USP34: variants seen among roughly 807,000 people sequenced by gnomAD.
The protein encoded by USP34 is ubiquitin specific peptidase 34.
USP34 carries 70 observed loss-of-function variants against 460.3 expected under a neutral mutation model. The observed-to-expected ratio is 0.15, with a 90% CI of 0.13 to 0.19. The LOEUF is 0.19. USP34 is among the 10% of genes least tolerant of loss of function. The pLI is 1.00. For missense variants in USP34, 3,985 were observed against 4,236.2 expected (o/e 0.94, Z 1.65); for synonymous variants, 1,647 against 1,405.3 (o/e 1.17, Z -3.85).
At chr2:61,454,985 G>A (rs1406528061) in intron 1 of USP34, among the ~76,000 whole-genome samples, 7 of 148,630 alleles carry the variant, frequency 4.7e-5, no homozygotes, top group Non-Finnish European at 7.4e-5. Context: ...AAGTTGAAGC[G>A]ATTCTCCCGC....
chr2:61,365,736 T>G (rs1017267764), intron 10 of USP34, among the ~76,000 whole-genome samples: 1 of 152,128 alleles, frequency 6.6e-6, no homozygotes, highest in African/African-American at 2.4e-5. Flanking sequence ...ATAATCTAAA[T>G]GTTATAATAT....
At chr2:61,326,522 C>G (rs190074711) in intron 20 of USP34, among the ~76,000 whole-genome samples, 47 of 152,160 alleles carry the variant, frequency 3.1e-4, no homozygotes, top group African/African-American at 1.1e-3. Flanking sequence ...GCATGACCGG[C>G]CCAGGTTTGC....
chr2:61,465,039 G>C (rs1695720876), intron 1 of USP34, among the ~76,000 whole-genome samples: 1 of 152,112 alleles, frequency 6.6e-6, no homozygotes, highest in Non-Finnish European at 1.5e-5. Flanking sequence ...ATACATCCAA[G>C]CTTTTTAAAT....
At chr2:61,235,510 G>A (rs1242834148) in intron 57 of USP34, among the ~76,000 whole-genome samples, 5 of 151,850 alleles carry the variant, frequency 3.3e-5, no homozygotes, top group Non-Finnish European at 7.4e-5. Context: ...ATTTTTAGTA[G>A]AGACAGTGTT....
chr2:61,332,019 T>C (rs961719723), intron 19 of USP34, among the ~76,000 whole-genome samples: 23 of 152,128 alleles, frequency 1.5e-4, no homozygotes, highest in African/African-American at 5.5e-4. Flanking sequence ...GTTTCTGTTA[T>C]AGCCATATTT....
Position 61,241,577 on chromosome 2 carries a change from A to C in USP34, c.6760T>G (p.Ser2254Ala), listed in dbSNP as rs1294224870. ...ENGREYKFDV[S>A]SELLEWIWHD... Reference sequence around the variant, plus strand: ...ACTTATACCTCTAGTAACTCTGACGAAACATCAAATTTGTATTCTCTGCCA... The same window carrying C: ...ACTTATACCTCTAGTAACTCTGACGCAACATCAAATTTGTATTCTCTGCCA... The change falls in exon 53 of 80, where the codon TCG becomes GCG. Residue 2254 changes from serine (S) to alanine (A), a missense_variant. Around this residue, in one of 14 missense-constraint regions of USP34, gnomAD observed 604 missense variants for 684.8 expected, o/e 0.88. Transcript: ENST00000398571. 5 of 1,608,474 alleles carry C rather than the reference A, an allele frequency of 3.1e-6. No homozygotes were observed. Among genetic ancestry groups the C allele is most frequent in the Admixed American group, 1.7e-5 (1 of 58,448 alleles).
chr2:61,429,310 G>T (rs988859527), intron 1 of USP34, among the ~76,000 whole-genome samples: 1 of 152,122 alleles, frequency 6.6e-6, no homozygotes, highest in Admixed American at 6.5e-5. Flanking sequence ...AGCCAGGCAT[G>T]GTGGTGGGCA....
At position 61,228,992 on chromosome 2, in the gene USP34, T is replaced by A; in HGVS notation, c.7203A>T (p.Ser2401=). ...CTTCTACTGAGGTATCCATATCATC[T>A]GACCTAAGAGACAATTAAATAGATC... The part of the protein sequence containing the change: ...LYLQPGMEDG[S]DDMDTSVEDI... Residue 2401 remains serine, a synonymous_variant, in exon 60 of 80, where the codon TCA becomes TCT. Coordinates refer to ENST00000398571, the MANE Select transcript of USP34 (RefSeq NM_014709.4). The A allele has an allele frequency of 1.3e-6, 2 of 1,574,536 alleles. No homozygotes were observed. Among genetic ancestry groups the A allele is most frequent in the Non-Finnish European group, 1.7e-6 (2 of 1,160,844 alleles).
chr2:61,221,230 G>A (rs1453123473), intron 66 of USP34, among the ~76,000 whole-genome samples: 1 of 152,104 alleles, frequency 6.6e-6, no homozygotes, highest in East Asian at 1.9e-4. Flanking sequence ...GAAAACACTT[G>A]GTTTGTATTT....
At chr2:61,399,320 G>C (rs1176816947) in intron 3 of USP34, among the ~76,000 whole-genome samples, 5 of 148,682 alleles carry the variant, frequency 3.4e-5, no homozygotes, top group Non-Finnish European at 4.4e-5. Flanking sequence ...TCCAGCCTGG[G>C]CAACAGGATC....
intron 5 of USP34, 71 bp downstream of exon 5, chr2:61,394,782 G>A (rs1022110072): frequency 1.5e-5 from 18 of 1,232,470 alleles, no homozygotes; most frequent in Non-Finnish European, 1.9e-5. Flanking sequence ...CCTTTTCAGA[G>A]CATAAAATTC....
chr2:61,300,788 G>A (rs1314798660), intron 29 of USP34, among the ~76,000 whole-genome samples, 163 bp downstream of exon 29: 2 of 145,800 alleles, frequency 1.4e-5, no homozygotes, highest in African/African-American at 2.6e-5. Flanking sequence ...AGAGTGAGAT[G>A]CCGTCTCAAA....
At chr2:61,329,607 A>G (rs1046846393) in intron 20 of USP34, among the ~76,000 whole-genome samples, 5 of 152,236 alleles carry the variant, frequency 3.3e-5, no homozygotes, top group African/African-American at 1.2e-4. Flanking sequence ...GTTCATAGAC[A>G]GTCCAGAATA....
At chr2:61,402,268 A>C (rs977746049) in intron 3 of USP34, among the ~76,000 whole-genome samples, 5 of 152,106 alleles carry the variant, frequency 3.3e-5, no homozygotes, top group Non-Finnish European at 7.4e-5. Context: ...AGACAGAGCA[A>C]GACCCTGTCT....
intron 5 of USP34, among the ~76,000 whole-genome samples, chr2:61,387,155 A>C (rs1693172196): frequency 6.6e-6 from 1 of 152,094 alleles, no homozygotes; most frequent in African/African-American, 2.4e-5. Context: ...GCTGATTCTC[A>C]TTAGTCGTTA....
chr2:61,445,518 GAT>G (rs1695087800), intron 1 of USP34, among the ~76,000 whole-genome samples: 1 of 122,718 alleles, frequency 8.1e-6, no homozygotes. Context: ...CTGGGCAACA[GAT>G]CGAGACTCCG....
intron 48 of USP34, among the ~76,000 whole-genome samples, chr2:61,249,102 A>T (rs1020476602): frequency 6.6e-6 from 1 of 152,264 alleles, no homozygotes; most frequent in African/African-American, 2.4e-5. Flanking sequence ...TTAATAAAAT[A>T]GAACAATTCT....
chr2:61,266,953 G>A (rs1689067363), intron 41 of USP34, among the ~76,000 whole-genome samples: 1 of 152,196 alleles, frequency 6.6e-6, no homozygotes, highest in Non-Finnish European at 1.5e-5. Context: ...CCTTTCAGGA[G>A]TCTGGAGTTG....
At position 61,188,968 on chromosome 2, in the gene USP34, A is replaced by G. The variant is rs1288765797; in HGVS notation, c.9975T>C (p.Thr3325=). 6.2e-7 allele frequency: 1 copy of G among 1,614,076 alleles called. No individual in the cohort carries two copies. Among genetic ancestry groups the G allele is most frequent in the Non-Finnish European group, 8.5e-7 (1 of 1,180,056 alleles). The change falls in exon 79 of 80, where the codon ACT becomes ACC. Residue 3325 remains threonine, a synonymous_variant. Transcript: ENST00000398571. ...GGAGTGAGTTTCTCTGTTGCAGACA[A>G]GTCCTGCATTTGCTTAAAAGCTCTT... ...TLQELLSKCR[T]CLQQRNSLQE...
Sources: allele counts gnomAD v4.1 joint callset (sites outside exome capture counted in the v4.1 genomes callset), GRCh38; gene constraint gnomAD v4.1.1; regional missense constraint gnomAD v4.1.1; transcripts MANE v1.5; gene names NCBI Gene and HGNC (gene_info 2026-07-23, HGNC 2026-07-21).